GRIA4: variants seen among roughly 807,000 people sequenced by gnomAD.
GRIA4 encodes the protein glutamate ionotropic receptor AMPA type subunit 4.
A neutral mutation model predicts 104.0 loss-of-function variants in GRIA4; 34 were observed. The observed-to-expected ratio is 0.33, with a 90% CI of 0.25 to 0.44. The LOEUF is 0.44. Among genes scored for constraint, GRIA4 ranks in the 20% least tolerant of loss-of-function variants. The pLI is 1.00. For synonymous variants in GRIA4, 386 were observed against 381.9 expected (o/e 1.01, Z -0.13); for missense variants, 750 against 1,096.5 (o/e 0.68, Z 4.46).
chr11:105,851,524 C>A (rs1944809653), intron 4 of GRIA4, among the ~76,000 whole-genome samples: 1 of 152,094 alleles, frequency 6.6e-6, no homozygotes, highest in African/African-American at 2.4e-5. Flanking sequence ...GACAACAACC[C>A]CACATGGATG....
intron 3 of GRIA4, among the ~76,000 whole-genome samples, chr11:105,618,525 G>GT (rs1250277122): frequency 1.3e-5 from 2 of 151,922 alleles, no homozygotes; most frequent in East Asian, 3.9e-4. Flanking sequence ...AATAAAAGAT[G>GT]TTTTTTCAGC....
intron 11 of GRIA4, among the ~76,000 whole-genome samples, chr11:105,922,159 A>G (rs1181882321): frequency 6.6e-6 from 1 of 152,170 alleles, no homozygotes; most frequent in African/African-American, 2.4e-5. Context: ...TGAATACTCA[A>G]TATGGAAAAG....
chr11:105,736,018 T>C (rs868186064), intron 3 of GRIA4, among the ~76,000 whole-genome samples: 2 of 152,212 alleles, frequency 1.3e-5, no homozygotes, highest in Non-Finnish European at 2.9e-5. Context: ...ATAAAATTTA[T>C]CTTGACACAC....
chr11:105,673,144 C>T (rs1952427965), intron 3 of GRIA4, among the ~76,000 whole-genome samples: 1 of 152,046 alleles, frequency 6.6e-6, no homozygotes, highest in African/African-American at 2.4e-5. Context: ...TACTTACCTC[C>T]ACCCACCCAA....
intron 4 of GRIA4, among the ~76,000 whole-genome samples, chr11:105,845,605 G>A (rs557970207): frequency 8.5e-5 from 13 of 152,232 alleles, no homozygotes; most frequent in African/African-American, 1.2e-4. Context: ...ATCCCAGGCC[G>A]GGCACGGTGG....
In GRIA4 at chr11:105,974,354, C is replaced by T; in HGVS notation, c.2454C>T (p.Phe818=). 6.2e-7 allele frequency: 1 copy of T among 1,613,932 alleles called. No homozygotes were observed. Among genetic ancestry groups the T allele is most frequent in the Non-Finnish European group, 8.5e-7 (1 of 1,179,834 alleles). ...GCCTGAGCAATGTAGCAGGCGTCTT[C>T]TACATTCTGGTTGGCGGCTTGGGCT... ...ALSLSNVAGV[F]YILVGGLGLA... is the part of the protein sequence containing the mutation. Residue 818 remains phenylalanine (F), a synonymous_variant, in exon 16 of 17, where the codon TTC becomes TTT. Coordinates refer to ENST00000282499, the MANE Select transcript of GRIA4 (RefSeq NM_000829.4).
intron 3 of GRIA4, among the ~76,000 whole-genome samples, chr11:105,687,821 A>G (rs969992373): frequency 2.0e-5 from 3 of 152,214 alleles, no homozygotes; most frequent in Non-Finnish European, 4.4e-5. Context: ...TCACTATAAC[A>G]CATCATTTCA....
chr11:105,871,441 T>C (rs897608940), intron 5 of GRIA4, among the ~76,000 whole-genome samples: 7 of 147,232 alleles, frequency 4.8e-5, no homozygotes, highest in Admixed American at 2.7e-4. Context: ...TAGGGAGAGG[T>C]TTTTTTTTGT....
At chr11:105,898,688 ATTTT>A (rs555210432) in intron 7 of GRIA4, among the ~76,000 whole-genome samples, 3 of 151,980 alleles carry the variant, frequency 2.0e-5, no homozygotes, top group African/African-American at 7.2e-5. Flanking sequence ...TCAGAATTAA[ATTTT>A]TTTTAATTGT....
chr11:105,887,192 C>G (rs996415855), intron 5 of GRIA4, among the ~76,000 whole-genome samples: 3 of 151,994 alleles, frequency 2.0e-5, no homozygotes, highest in African/African-American at 7.2e-5. Flanking sequence ...GGATGAAAAT[C>G]ATTTTCAGTT....
chr11:105,778,111 T>C (rs1370050785), intron 4 of GRIA4, among the ~76,000 whole-genome samples: 1 of 152,194 alleles, frequency 6.6e-6, no homozygotes, highest in African/African-American at 2.4e-5. Context: ...GTAAAGTCCT[T>C]TCCATTTTTA....
chr11:105,834,034 G>T (rs1307343064), intron 4 of GRIA4, among the ~76,000 whole-genome samples: 1 of 151,992 alleles, frequency 6.6e-6, no homozygotes, highest in Non-Finnish European at 1.5e-5. Flanking sequence ...GTCAATGAAA[G>T]GATAGTTGTT....
intron 5 of GRIA4, among the ~76,000 whole-genome samples, chr11:105,872,380 T>C (rs1016462128): frequency 6.6e-6 from 1 of 151,984 alleles, no homozygotes; most frequent in Non-Finnish European, 1.5e-5. Context: ...AAAAGAAGCC[T>C]CCCAGAGCCA....
intron 4 of GRIA4, among the ~76,000 whole-genome samples, chr11:105,792,929 A>C (rs1942278294): frequency 6.6e-6 from 1 of 152,080 alleles, no homozygotes; most frequent in South Asian, 2.1e-4. Flanking sequence ...CAGGCTGCAT[A>C]TGATCCCTAC....
At chr11:105,703,983 G>C (rs1341751966) in intron 3 of GRIA4, among the ~76,000 whole-genome samples, 1 of 151,980 alleles carries the variant, frequency 6.6e-6, no homozygotes, top group Admixed American at 6.6e-5. Flanking sequence ...AAAATCTATT[G>C]ATATTCTAGC....
At chr11:105,968,941 C>A (rs1025742338) in intron 14 of GRIA4, among the ~76,000 whole-genome samples, 1 of 152,180 alleles carries the variant, frequency 6.6e-6, no homozygotes, top group African/African-American at 2.4e-5. Context: ...ATTTTGGCAA[C>A]AGCTGCAACC....
At chr11:105,908,801 A>T (rs1315643473) in intron 9 of GRIA4, among the ~76,000 whole-genome samples, 3 of 152,096 alleles carry the variant, frequency 2.0e-5, no homozygotes, top group Admixed American at 6.6e-5. Context: ...TGTGGAACTC[A>T]TTAATAAAGA....
At chr11:105,731,347 A>G (rs1356403224) in intron 3 of GRIA4, among the ~76,000 whole-genome samples, 1 of 152,202 alleles carries the variant, frequency 6.6e-6, no homozygotes, top group African/African-American at 2.4e-5. Context: ...CACCAGTTAG[A>G]ATGGCGATCA....
chr11:105,657,380 AT>A (rs1374199862), intron 3 of GRIA4, among the ~76,000 whole-genome samples: 1 of 152,068 alleles, frequency 6.6e-6, no homozygotes, highest in Non-Finnish European at 1.5e-5. Flanking sequence ...GAAATAAAAA[AT>A]AATCATAAAA....
Sources: gnomAD v4.1 joint callset for allele counts (sites outside exome capture counted in the v4.1 genomes callset) on GRCh38, gnomAD v4.1.1 for gene constraint, MANE v1.5 for transcripts, NCBI Gene and HGNC (gene_info 2026-07-23, HGNC 2026-07-21) for gene names.